TTN: variants seen among roughly 807,000 people sequenced by gnomAD.
TTN encodes connectin.
TTN carries 1,525 observed loss-of-function variants against 3,223.0 expected under a neutral mutation model. The observed-to-expected ratio is 0.47, with a 90% CI of 0.45 to 0.49. The LOEUF (loss-of-function observed/expected upper bound fraction) is 0.49, where lower values mean the gene tolerates loss of function less well. TTN is among the 20% of genes least tolerant of loss of function. The pLI is 0.00. For missense variants in TTN, 40,786 were observed against 43,424.0 expected (o/e 0.94, Z 5.40); for synonymous variants, 14,094 against 15,161.0 (o/e 0.93, Z 5.17).
rs2080729558 is a variant in TTN, at chr2:178,732,497, A to C, written c.16564T>G (p.Cys5522Gly). 2 of 1,613,652 alleles carry C rather than the reference A, an allele frequency of 1.2e-6. No individual in the cohort carries two copies. Among genetic ancestry groups the C allele is most frequent in the East Asian group, 2.2e-5 (1 of 44,846 alleles). The part of the protein sequence containing the change: ...VKTSDSGTYT[C>G]KVSNVAGGVE... The stretch of plus-strand genomic sequence containing the variant: ...CCTCCAGCGACATTGCTGACTTTAC[A>C]TGTGTACGTGCCCGAATCAGAGGTT... Residue 5522 changes from cysteine to glycine, a missense_variant, in exon 56 of 363, where the codon TGT (cysteine) becomes GGT (glycine). By Grantham distance (159) the Cys-to-Gly change is radical. Coordinates refer to ENST00000589042, the MANE Select transcript of TTN (RefSeq NM_001267550.2).
rs758516007 is a variant in TTN, at chr2:178,777,324, G to T, written c.4646-7C>A. 2.2e-5 allele frequency: 35 copies of T among 1,613,606 alleles called. No individual in the cohort carries two copies. Among genetic ancestry groups the T allele is most frequent in the Non-Finnish European group, 2.7e-5 (32 of 1,179,926 alleles). ...TTTACCTGATGTTCCACAGCTGAAAGAGAAAGGTCATGATTTAGAGGGAGT... is the reference window on the plus strand; with the variant it reads ...TTTACCTGATGTTCCACAGCTGAAATAGAAAGGTCATGATTTAGAGGGAGT... On this transcript the variant is annotated splice_region_variant and splice_polypyrimidine_tract_variant and intron_variant, in intron 26 of 362. Coordinates refer to ENST00000589042, the MANE Select transcript of TTN (RefSeq NM_001267550.2).
chr2:178,753,288 A>G, intron 46 of TTN, 108 bp from the exon 47 acceptor site: 1 of 915,372 alleles, frequency 1.1e-6, no homozygotes, highest in Non-Finnish European at 1.7e-6. Flanking sequence ...TAACAACAGA[A>G]AACTACATTC....
chr2:178,756,582 A>T lies in TTN; in HGVS notation c.10894T>A (p.Leu3632Met). 1.2e-6 allele frequency: 2 copies of T among 1,612,628 alleles called. No homozygotes were observed. Among genetic ancestry groups the T allele is most frequent in the Non-Finnish European group, 1.7e-6 (2 of 1,179,048 alleles). The change falls in exon 46 of 363, where the codon TTG (leucine) becomes ATG (methionine). Residue 3632 changes from leucine to methionine, a missense_variant. Coordinates refer to ENST00000589042, the MANE Select transcript of TTN (RefSeq NM_001267550.2). ...HTAASVQDTQLCHTASLSQIA... is the reference protein window; with the variant it reads ...HTAASVQDTQMCHTASLSQIA... ...TGTGAAAGGGATGCAGTATGGCACAACTGTGTATCTTGAACAGATGCAGCT... is the reference window on the plus strand; with the variant it reads ...TGTGAAAGGGATGCAGTATGGCACATCTGTGTATCTTGAACAGATGCAGCT...
intron 47 of TTN, among the ~76,000 whole-genome samples, chr2:178,743,412 A>G (rs1387123872): frequency 1.3e-5 from 2 of 151,942 alleles, no homozygotes; most frequent in African/African-American, 4.8e-5. Flanking sequence ...TTCATTATCT[A>G]TGACAATTAA....
intron 221 of TTN, among the ~76,000 whole-genome samples, 165 bp from the exon 222 acceptor site, chr2:178,640,275 G>A (rs1253320240): frequency 3.3e-5 from 5 of 151,812 alleles, no homozygotes; most frequent in Non-Finnish European, 7.4e-5. Flanking sequence ...CAAAATATTT[G>A]GAAAATATAG....
intron 44 of TTN, chr2:178,758,747 A>T (rs1400622387): frequency 1.8e-6 from 1 of 555,664 alleles, no homozygotes; most frequent in African/African-American, 1.9e-5. Flanking sequence ...GCAGCAATAC[A>T]TTACAAATTG....
chr2:178,694,348 A>C (rs1243462569), intron 117 of TTN, among the ~76,000 whole-genome samples: 1 of 152,174 alleles, frequency 6.6e-6, no homozygotes. Flanking sequence ...TGAAGTTAGC[A>C]AACTACTAAT....
At chr2:178,681,220 A>G (rs758980377) in intron 137 of TTN, 49 bp from the exon 138 acceptor site, 4 of 1,515,712 alleles carry the variant, frequency 2.6e-6, no homozygotes, top group Non-Finnish European at 3.6e-6. Context: ...CTCCTTGAAT[A>G]CTATGTAATA....
In TTN at chr2:178,575,135, G is replaced by A. The variant is rs548118690; in HGVS notation, c.70997C>T (p.Thr23666Ile). The part of the protein sequence containing the change: ...PVLGRPKPTV[T>I]WKKGDQILKQ... ...AAGAATTTGGTCTCCTTTTTTCCAT[G>A]TCACTGTGGGCTTCGGTCGACCGAG... is the stretch of plus-strand genomic sequence containing the variant. The change falls in exon 326 of 363, where the codon ACA (threonine) becomes ATA (isoleucine). Residue 23666 changes from threonine (T) to isoleucine (I), a missense_variant. Thr to Ile is a moderately conservative substitution (Grantham distance 89). Coordinates refer to ENST00000589042, the MANE Select transcript of TTN (RefSeq NM_001267550.2). The surrounding 1 kb of genome is among the most constrained non-coding windows in gnomAD (Gnocchi z 4.0). The A allele has an allele frequency of 1.2e-6, 2 of 1,612,186 alleles. No homozygotes were observed. The highest frequency in any genetic ancestry group is 1.1e-5 in the South Asian group (1 of 90,836).
rs772384158 is a variant in TTN at position 178,730,583 on chromosome 2, T to C, written c.17950A>G (p.Thr5984Ala). The C allele has an allele frequency of 5.1e-5, 83 of 1,613,546 alleles. No individual in the cohort carries two copies. In the East Asian group the frequency reaches 1.8e-3, roughly 36 times the overall value. ...GAACAAGTGTATGTCCCACTGTCTG[T>C]ACCTTCCAGCTGGCTGATTTCCAAG... Reference protein sequence around the residue: ...AFLEISQLEGTDSGTYTCSAT... With the variant: ...AFLEISQLEGADSGTYTCSAT... The change falls in exon 61 of 363, where the codon ACA becomes GCA. Residue 5984 changes from threonine (T) to alanine (A), a missense_variant. By Grantham distance (58) the Thr-to-Ala change is moderately conservative. Coordinates refer to ENST00000589042, the MANE Select transcript of TTN (RefSeq NM_001267550.2).
chr2:178,540,630 T>C (rs934774173), intron 350 of TTN, among the ~76,000 whole-genome samples: 3 of 152,122 alleles, frequency 2.0e-5, no homozygotes, highest in Admixed American at 6.5e-5. Context: ...ACCGCGTCTC[T>C]ACTAAAAACA....
In TTN at chr2:178,565,707, C is replaced by G. The variant is rs369941201; in HGVS notation, c.80425G>C (p.Gly26809Arg). 1 of 1,613,576 alleles carries G rather than the reference C, an allele frequency of 6.2e-7. No individual in the cohort carries two copies. The highest frequency in any genetic ancestry group is 1.3e-5 in the African/African-American group (1 of 75,002). ...LMWEKPEHDG[G>R]SRVLGYVVEM... ...ACAACGTACCCCAGGACTCTGCTACCGCCATCATGTTCAGGTTTCTCCCAC... is the reference window on the plus strand; with the variant it reads ...ACAACGTACCCCAGGACTCTGCTACGGCCATCATGTTCAGGTTTCTCCCAC... Residue 26809 changes from glycine (G) to arginine (R), a missense_variant, in exon 326 of 363, where the codon GGT becomes CGT. Physicochemically the swap from Gly to Arg is moderately radical, Grantham distance 125. Coordinates refer to ENST00000589042, the MANE Select transcript of TTN (RefSeq NM_001267550.2).
Position 178,728,414 on chromosome 2 carries a change from G to A in TTN, c.19427-17C>T, listed in dbSNP as rs372259318. On this transcript the variant is annotated splice_polypyrimidine_tract_variant and intron_variant, in intron 66 of 362. Transcript: ENST00000589042. ...TATTTTGATCTGTCCAATGCAAACA[G>A]CAAAACACATCCATTAATCTCTTGC... 3 of 1,583,608 alleles carry A rather than the reference G, an allele frequency of 1.9e-6. No individual in the cohort carries two copies. The African/African-American group carries it at 4.1e-5, about 21-fold the overall frequency.
intron 91 of TTN, 44 bp downstream of exon 91, chr2:178,714,248 G>A: frequency 1.3e-6 from 2 of 1,597,020 alleles, no homozygotes; most frequent in South Asian, 1.1e-5. Flanking sequence ...AGATCCTGGT[G>A]AGTGTGTGCC....
At chr2:178,676,830 T>C (rs2068173680) in intron 147 of TTN, among the ~76,000 whole-genome samples, 1 of 151,820 alleles carries the variant, frequency 6.6e-6, no homozygotes, top group South Asian at 2.1e-4. Flanking sequence ...AGGCATTTAA[T>C]ATAAATGGTT....
Position 178,557,002 on chromosome 2 carries a change from C to T in TTN, c.88152G>A (p.Lys29384=), listed in dbSNP as rs1206935877. ...RRDLPDGRWT[K]ASFTNVTETQ... Reference sequence around the variant, plus strand: ...TTTCAGTAACATTGGTGAAGCTGGCCTTGGTCCATCTGCCATCTGGAAGGT... The same window carrying T: ...TTTCAGTAACATTGGTGAAGCTGGCTTTGGTCCATCTGCCATCTGGAAGGT... The change falls in exon 330 of 363, where the codon AAG becomes AAA. Residue 29384 remains lysine, a synonymous_variant. Transcript: ENST00000589042. 1.2e-6 allele frequency: 2 copies of T among 1,613,660 alleles called. No individual in the cohort carries two copies. The highest frequency in any genetic ancestry group is 2.7e-5 in the African/African-American group (2 of 74,886).
In TTN at chr2:178,579,684, T is replaced by G; in HGVS notation, c.67513A>C (p.Ser22505Arg). The G allele has an allele frequency of 6.2e-7, 1 of 1,613,332 alleles. No individual in the cohort carries two copies. The highest frequency in any genetic ancestry group is 8.5e-7 in the Non-Finnish European group (1 of 1,179,514). Reference sequence around the variant, plus strand: ...AAATCTTTTGCAGAGTACTGTAGGCTTAAGGATTTCATAACTCGTTGCCAC... The same window carrying G: ...AAATCTTTTGCAGAGTACTGTAGGCGTAAGGATTTCATAACTCGTTGCCAC... ...NKWQRVMKSL[S>R]LQYSAKDLTE... The change falls in exon 319 of 363, where the codon AGC (serine) becomes CGC (arginine). Residue 22505 changes from serine (S) to arginine (R), a missense_variant. Physicochemically the swap from Ser to Arg is moderately radical, Grantham distance 110 (BLOSUM62 -1). Coordinates refer to ENST00000589042, the MANE Select transcript of TTN (RefSeq NM_001267550.2).
At chr2:178,675,540 A>T in intron 149 of TTN, 131 bp downstream of exon 149, 1 of 722,464 alleles carries the variant, frequency 1.4e-6, no homozygotes, top group Non-Finnish European at 2.0e-6. Context: ...ACTTGGGTGC[A>T]AAAGAGTCAG....
Position 178,583,683 on chromosome 2 carries a change from T to C in TTN, c.65499A>G (p.Arg21833=), listed in dbSNP as rs369255906. ...TGTTTACCGCGGTCCTGGCAATAGCTCTAAATTGATACTGAGCTTTCTCTT... is the reference window on the plus strand; with the variant it reads ...TGTTTACCGCGGTCCTGGCAATAGCCCTAAATTGATACTGAGCTTTCTCTT... ...GLEEKAQYQF[R]AIARTAVNIS... is the part of the protein sequence containing the mutation. Residue 21833 remains arginine, a synonymous_variant, in exon 312 of 363, where the codon AGA becomes AGG. Coordinates refer to ENST00000589042, the MANE Select transcript of TTN (RefSeq NM_001267550.2). The C allele has an allele frequency of 2.2e-5, 35 of 1,612,416 alleles. No individual in the cohort carries two copies. The Middle Eastern group carries it at 1.2e-3, about 53-fold the overall frequency.
Sources: gnomAD v4.1 joint callset for allele counts (sites outside exome capture counted in the v4.1 genomes callset) on GRCh38, gnomAD v4.1.1 for gene constraint, Gnocchi (gnomAD v3.1) non-coding constraint, MANE v1.5 for transcripts, NCBI Gene and HGNC (gene_info 2026-07-23, HGNC 2026-07-21) for gene names.